The following HMGN5 variants were observed in gnomAD, a reference collection of about 807,000 sequenced individuals.
HMGN5 encodes the protein high mobility group nucleosome-binding domain-containing protein 5.
HMGN5 carries 4 observed loss-of-function variants against 9.5 expected under a neutral mutation model. That is an observed-to-expected ratio of 0.42 (90% CI 0.21 to 0.96). The LOEUF is 0.96. HMGN5 is among the 40% of genes least tolerant of loss of function. HMGN5 has a pLI of 0.30. For synonymous variants in HMGN5, 55 were observed against 57.1 expected, an observed-to-expected ratio of 0.96 and a Z score of 0.16; for missense variants, 192 against 187.5, an observed-to-expected ratio of 1.02 and a Z score of -0.14.
At chrX:81,194,450 G>A (rs779761034) in intron 1 of HMGN5, among the ~76,000 whole-genome samples, 1 of 111,797 alleles carries the variant, frequency 8.9e-6, no homozygotes, top group South Asian at 3.7e-4. Flanking sequence ...GTTCTTAACA[G>A]ATATTCCACA....
At chrX:81,121,727 A>C (rs1379515274) in intron 1 of HMGN5, 55 bp from the exon 2 acceptor site, 4 of 366,136 alleles carry the variant, frequency 1.1e-5, no homozygotes, top group Admixed American at 5.3e-5. Context: ...CCAAGACGCA[A>C]CCAAACTACG....
At chrX:81,200,912 A>G (rs183164046) in intron 1 of HMGN5, among the ~76,000 whole-genome samples, 2 of 111,829 alleles carry the variant, frequency 1.8e-5, no homozygotes, top group East Asian at 5.7e-4. Context: ...TGTACTAACC[A>G]TATGATTTTA....
chrX:81,158,035 C>T (rs769132810), intron 1 of HMGN5, among the ~76,000 whole-genome samples: 1 of 111,272 alleles, frequency 9.0e-6, no homozygotes, highest in South Asian at 3.8e-4. Flanking sequence ...CTGCCTCGGC[C>T]TCCCAAAGTG....
At chrX:81,120,195 T>G (rs2147537313) in intron 2 of HMGN5, among the ~76,000 whole-genome samples, 1 of 112,165 alleles carries the variant, frequency 8.9e-6, no homozygotes, top group South Asian at 3.7e-4. Flanking sequence ...CTTTCTTGCC[T>G]TATGTTTGCC....
chrX:81,117,755 G>T (rs2147534930), intron 5 of HMGN5, among the ~76,000 whole-genome samples: 1 of 110,464 alleles, frequency 9.1e-6, no homozygotes, highest in Admixed American at 9.7e-5. Context: ...TTTCATTTAT[G>T]AACATAATGA....
chrX:81,125,178 T>G (rs2075279682), intron 1 of HMGN5, among the ~76,000 whole-genome samples: 1 of 109,546 alleles, frequency 9.1e-6, no homozygotes, highest in Admixed American at 1.0e-4. Flanking sequence ...TAGTAAGAAA[T>G]ACTTTATTTT....
At chrX:81,121,082 A>G (rs184601066) in intron 2 of HMGN5, among the ~76,000 whole-genome samples, 1,650 of 110,424 alleles carry the variant, frequency 0.015, 14 homozygotes, top group South Asian at 0.034. Flanking sequence ...AAAAAAGAAA[A>G]AAGAAAACGG....
intron 1 of HMGN5, among the ~76,000 whole-genome samples, chrX:81,144,226 C>T (rs950189362): frequency 4.5e-5 from 5 of 111,059 alleles, no homozygotes; most frequent in Admixed American, 1.9e-4. Context: ...CAGTAGAGGC[C>T]GACAGACATC....
intron 1 of HMGN5, among the ~76,000 whole-genome samples, chrX:81,173,541 T>C (rs1235895362): frequency 1.8e-5 from 2 of 111,957 alleles, no homozygotes; most frequent in Non-Finnish European, 3.8e-5. Flanking sequence ...ATAAAAACAG[T>C]TTAAAATAGG....
intron 1 of HMGN5, among the ~76,000 whole-genome samples, chrX:81,129,816 A>C (rs1469402513): frequency 9.0e-6 from 1 of 110,967 alleles, no homozygotes; most frequent in Non-Finnish European, 1.9e-5. Context: ...GCAGTTAAAC[A>C]ACTCACCTAA....
At chrX:81,183,303 G>T in intron 1 of HMGN5, among the ~76,000 whole-genome samples, 1 of 112,333 alleles carries the variant, frequency 8.9e-6, no homozygotes. Context: ...AAAATGCCTT[G>T]AAAGCATTTC....
At position 81,185,721 on chromosome X, in the gene HMGN5, C is replaced by T. The variant is rs1351149443; in HGVS notation, c.-124+16016G>A. On this transcript the variant is annotated intron_variant, in intron 1 of 6. Transcript: ENST00000358130. ...CTTAGAGAAATGACTTTCAGTTTTT[C>T]CTCATTAAGTATGATACTAACTATG... Among the ~76,000 whole-genome samples, 4 of 111,465 alleles carry T rather than the reference C, an allele frequency of 3.6e-5. No individual in the cohort carries two copies. In the Admixed American group the frequency reaches 3.8e-4, roughly 11 times the overall value.
chrX:81,193,296 G>A (rs2075499157), intron 1 of HMGN5, among the ~76,000 whole-genome samples: 1 of 112,026 alleles, frequency 8.9e-6, no homozygotes, highest in African/African-American at 3.2e-5. Context: ...ATGTGGTGAA[G>A]CCATATTCAG....
At chrX:81,173,303 T>C (rs2075431917) in intron 1 of HMGN5, among the ~76,000 whole-genome samples, 1 of 111,131 alleles carries the variant, frequency 9.0e-6, no homozygotes, top group Admixed American at 9.6e-5. Flanking sequence ...TATACTACCT[T>C]TGTAATAAAT....
chrX:81,173,023 T>C (rs1030369733), intron 1 of HMGN5, among the ~76,000 whole-genome samples: 1 of 111,435 alleles, frequency 9.0e-6, no homozygotes, highest in African/African-American at 3.2e-5. Flanking sequence ...ACAATCCTAC[T>C]AGAATTTATG....
At chrX:81,201,427 C>G (rs191401979) in intron 1 of HMGN5, among the ~76,000 whole-genome samples, 1 of 111,643 alleles carries the variant, frequency 9.0e-6, no homozygotes, top group African/African-American at 3.2e-5. Flanking sequence ...CAAAAATCAT[C>G]CATCTTTTTA....
At chrX:81,160,082 T>C (rs1277908420) in intron 1 of HMGN5, among the ~76,000 whole-genome samples, 1 of 111,850 alleles carries the variant, frequency 8.9e-6, no homozygotes, top group Non-Finnish European at 1.9e-5. Flanking sequence ...TGTGATGTTG[T>C]TGTAGATGAA....
chrX:81,116,161 G>A lies in HMGN5; in HGVS notation c.267+43C>T, dbSNP rs780043150. The A allele has an allele frequency of 6.7e-6, 7 of 1,051,320 alleles. No homozygotes were observed. In the South Asian group the frequency reaches 1.0e-4, roughly 16 times the overall value. The allele number at this position is 1,051,320 out of a possible 1,213,427, so 86.6% of individuals were successfully genotyped here. Reference sequence around the variant, plus strand: ...AGGATTTCTTTCAGTTGTACCCATTGTTAAACTTTCAAATAGATAAAACTG... The same window carrying A: ...AGGATTTCTTTCAGTTGTACCCATTATTAAACTTTCAAATAGATAAAACTG... On this transcript the variant is annotated intron_variant, in intron 6 of 6. Transcript: ENST00000358130.
intron 2 of HMGN5, among the ~76,000 whole-genome samples, chrX:81,120,171 T>C (rs1202141178): frequency 8.9e-6 from 1 of 112,081 alleles, no homozygotes; most frequent in East Asian, 2.8e-4. Context: ...AAGGCGGAGC[T>C]TCATGCAATT....
Sources: allele counts gnomAD v4.1 joint callset (sites outside exome capture counted in the v4.1 genomes callset), GRCh38; gene constraint gnomAD v4.1.1; transcripts MANE v1.5; gene names NCBI Gene and HGNC (gene_info 2026-07-23, HGNC 2026-07-21).